Variants in OR9Q1 observed in about 807,000 individuals in gnomAD.
OR9Q1 encodes olfactory receptor 9Q1.
For synonymous variants in OR9Q1, 153 were observed against 148.6 expected, an observed-to-expected ratio of 1.03 and a Z score of -0.22; for missense variants, 374 against 378.8, an observed-to-expected ratio of 0.99 and a Z score of 0.11.
intron 2 of OR9Q1, among the ~76,000 whole-genome samples, chr11:58,160,010 A>G (rs1854443245): frequency 6.6e-6 from 1 of 152,226 alleles, no homozygotes; most frequent in South Asian, 2.1e-4. Context: ...AGGCTGGGCC[A>G]TGAAAGGCAA....
intron 1 of OR9Q1, among the ~76,000 whole-genome samples, chr11:58,037,013 G>A (rs921868749): frequency 2.6e-5 from 4 of 152,170 alleles, no homozygotes; most frequent in African/African-American, 9.7e-5. Context: ...AGCATCATGT[G>A]TTACAGAGAA....
At chr11:58,031,170 T>C in intron 1 of OR9Q1, 1 of 1,614,180 alleles carries the variant, frequency 6.2e-7, no homozygotes, top group Non-Finnish European at 8.5e-7. Flanking sequence ...TGCCTTGAAA[T>C]CTGGTACACT....
intron 2 of OR9Q1, among the ~76,000 whole-genome samples, chr11:58,154,992 C>G (rs1034258422): frequency 1.3e-5 from 2 of 152,158 alleles, no homozygotes. Context: ...ATGTTTTTAT[C>G]TATATACAGC....
chr11:58,097,932 G>C (rs561430400), intron 2 of OR9Q1, among the ~76,000 whole-genome samples: 1 of 152,290 alleles, frequency 6.6e-6, no homozygotes, highest in South Asian at 2.1e-4. Flanking sequence ...GCAGATAAGC[G>C]TTTGTAAGGA....
intron 1 of OR9Q1, among the ~76,000 whole-genome samples, chr11:58,033,228 A>G (rs1853061186): frequency 6.6e-6 from 1 of 152,230 alleles, no homozygotes; most frequent in African/African-American, 2.4e-5. Context: ...TAGAACTGCT[A>G]TTCAAGCCAG....
Position 58,115,346 on chromosome 11 carries a change from C to T in OR9Q1, c.-15+59399C>T, listed in dbSNP as rs11605213. Among the ~76,000 whole-genome samples, 3 of 151,990 alleles carry T rather than the reference C, an allele frequency of 2.0e-5. No homozygotes were observed. The East Asian group carries it at 5.8e-4, about 29-fold the overall frequency. ...AGATCTAAAGCAAATAAAGCAATTCCTAATTCAAGAGGATATTGTACAAAT... is the reference window on the plus strand; with the variant it reads ...AGATCTAAAGCAAATAAAGCAATTCTTAATTCAAGAGGATATTGTACAAAT... On this transcript the variant is annotated intron_variant, in intron 2 of 2. Coordinates refer to ENST00000335397, the MANE Select transcript of OR9Q1 (RefSeq NM_001005212.4).
chr11:58,140,085 T>C (rs1408033377), intron 2 of OR9Q1, among the ~76,000 whole-genome samples: 1 of 152,210 alleles, frequency 6.6e-6, no homozygotes, highest in South Asian at 2.1e-4. Flanking sequence ...AAATGTCTTC[T>C]TTCGAGAAGT....
intron 2 of OR9Q1, among the ~76,000 whole-genome samples, chr11:58,111,914 A>T (rs574311701): frequency 6.6e-6 from 1 of 152,218 alleles, no homozygotes; most frequent in East Asian, 1.9e-4. Flanking sequence ...ATTTTGAGGT[A>T]TGTAATCTAT....
At chr11:58,122,836 A>AC (rs1304222529) in intron 2 of OR9Q1, among the ~76,000 whole-genome samples, 2 of 152,144 alleles carry the variant, frequency 1.3e-5, no homozygotes, top group African/African-American at 4.8e-5. Context: ...TTAGAAATAT[A>AC]TGTATATTAA....
chr11:58,072,189 A>C (rs928475166), intron 2 of OR9Q1, among the ~76,000 whole-genome samples: 1 of 152,248 alleles, frequency 6.6e-6, no homozygotes, highest in African/African-American at 2.4e-5. Context: ...TAATACATAC[A>C]ACAAAAACAT....
chr11:58,042,527 C>T (rs1296377575), intron 1 of OR9Q1, among the ~76,000 whole-genome samples: 2 of 151,242 alleles, frequency 1.3e-5, no homozygotes, highest in Non-Finnish European at 2.9e-5. Context: ...GTACCAGTAC[C>T]ATGCTGTTTT....
chr11:58,073,251 C>G (rs552290120), intron 2 of OR9Q1: 1 of 217,454 alleles, frequency 4.6e-6, no homozygotes, highest in African/African-American at 2.3e-5. Flanking sequence ...TCAATAAGCT[C>G]TCTCTGTCCA....
At chr11:58,070,398 T>C (rs1853476284) in intron 2 of OR9Q1, among the ~76,000 whole-genome samples, 1 of 152,088 alleles carries the variant, frequency 6.6e-6, no homozygotes, top group South Asian at 2.1e-4. Context: ...AGCTTAAAAG[T>C]AGTCCTGGCG....
At position 58,181,319 on chromosome 11, in the gene OR9Q1, C is replaced by G. The variant is rs1212458092; in HGVS notation, c.*942C>G. ...GGAGGCAGAACATTGCTGCATTCCA[C>G]ATGGCGATAGGCAGGAGGGTGGTCC... On this transcript the variant is annotated 3_prime_UTR_variant, in exon 3 of 3. Coordinates refer to ENST00000335397, the MANE Select transcript of OR9Q1 (RefSeq NM_001005212.4). 6.0e-6 allele frequency: 1 copy of G among 167,052 alleles called. No homozygotes were observed. Among genetic ancestry groups the G allele is most frequent in the Non-Finnish European group, 1.5e-5 (1 of 68,138 alleles). 10.3% of individuals were successfully genotyped at this position (167,052 alleles called of 1,614,324 possible).
chr11:58,093,786 CA>C (rs1406502665), intron 2 of OR9Q1, among the ~76,000 whole-genome samples: 1 of 116,748 alleles, frequency 8.6e-6, no homozygotes, highest in Non-Finnish European at 1.8e-5. Context: ...AAAAAAAAGA[CA>C]AAAAATAACA....
At chr11:58,177,788 A>G (rs1358190501) in intron 2 of OR9Q1, among the ~76,000 whole-genome samples, 1 of 152,202 alleles carries the variant, frequency 6.6e-6, no homozygotes, top group Non-Finnish European at 1.5e-5. Flanking sequence ...GGTGCCTCAT[A>G]TATTATTTGG....
chr11:58,048,694 A>ATATATT, intron 1 of OR9Q1, among the ~76,000 whole-genome samples: 1 of 145,920 alleles, frequency 6.9e-6, no homozygotes, highest in Non-Finnish European at 1.5e-5. Context: ...ATATATATAT[A>ATATATT]TTTTTTAGCA....
At chr11:58,098,274 C>T (rs1249566306) in intron 2 of OR9Q1, among the ~76,000 whole-genome samples, 1 of 152,114 alleles carries the variant, frequency 6.6e-6, no homozygotes, top group Admixed American at 6.6e-5. Context: ...GGATATATGA[C>T]TCTTTAACAG....
chr11:58,163,994 T>C lies in OR9Q1; in HGVS notation c.-14-15437T>C, dbSNP rs141728549. On this transcript the variant is annotated intron_variant, in intron 2 of 2. Transcript: ENST00000335397. ...CTACATGAAAGGGGCTATTTGCATA[T>C]AAATAATCCCAATATCAGCAGTAAT... 6.6e-3 allele frequency among the ~76,000 whole-genome samples: 1,010 copies of C among 152,266 alleles called. 12 individuals carry two copies. The highest frequency in any genetic ancestry group is 0.023 in the African/African-American group (949 of 41,542).
Sources: allele counts gnomAD v4.1 joint callset (sites outside exome capture counted in the v4.1 genomes callset), GRCh38; gene constraint gnomAD v4.1.1; transcripts MANE v1.5; gene names NCBI Gene and HGNC (gene_info 2026-07-23, HGNC 2026-07-21).